Variants in HACE1 observed in about 807,000 individuals in gnomAD.
HACE1 encodes the protein HECT domain and ankyrin repeat containing E3 ubiquitin protein ligase 1.
Under a neutral mutation model 118.4 loss-of-function variants are expected in HACE1, and 73 were observed. The observed-to-expected ratio is 0.62, with a 90% CI of 0.51 to 0.75. The LOEUF is 0.75. HACE1 is among the 30% of genes least tolerant of loss of function. The pLI, the probability that HACE1 is intolerant of heterozygous loss-of-function variation, is 0.00. For missense variants in HACE1, 749 were observed against 1,102.2 expected (o/e 0.68, Z 4.54); for synonymous variants, 368 against 374.8 (o/e 0.98, Z 0.21).
Position 104,785,339 on chromosome 6 carries a change from T to A in HACE1, c.1075-20A>T. On this transcript the variant is annotated intron_variant, in intron 11 of 23. Transcript: ENST00000262903. Reference sequence around the variant, plus strand: ...CAGAGGCTGAGAGAAACAAAAGTGTTTTTTAAACATCATTCTTAAACTACA... The same window carrying A: ...CAGAGGCTGAGAGAAACAAAAGTGTATTTTAAACATCATTCTTAAACTACA... 7.4e-7 allele frequency: 1 copy of A among 1,360,156 alleles called. No individual in the cohort carries two copies. Among genetic ancestry groups the A allele is most frequent in the Non-Finnish European group, 1.1e-6 (1 of 951,724 alleles). The allele number at this position is 1,360,156 out of a possible 1,614,324, so 84.3% of individuals were successfully genotyped here. A position where few individuals can be genotyped will look rare whatever the true frequency, so the allele number is the denominator to read the frequency against.
chr6:104,852,252 T>C (rs1419329423), intron 2 of HACE1, 65 bp downstream of exon 2: 6 of 852,208 alleles, frequency 7.0e-6, no homozygotes, highest in Non-Finnish European at 1.2e-5. Context: ...TGCACGGGCA[T>C]GCAGTACACA....
intron 17 of HACE1, among the ~76,000 whole-genome samples, chr6:104,774,389 CTCTCT>C (rs1344964876): frequency 2.1e-4 from 11 of 51,712 alleles, no homozygotes; most frequent in Non-Finnish European, 3.8e-4. Flanking sequence ...CGCGCCCGGC[CTCTCT>C]TTTTTTTTTG....
intron 1 of HACE1, among the ~76,000 whole-genome samples, chr6:104,858,981 A>G (rs1777024232): frequency 6.6e-6 from 1 of 152,210 alleles, no homozygotes; most frequent in South Asian, 2.1e-4. Context: ...TAGTCTGATG[A>G]ATAAATGAAG....
chr6:104,825,523 C>G (rs1449750029), intron 6 of HACE1, among the ~76,000 whole-genome samples: 1 of 152,160 alleles, frequency 6.6e-6, no homozygotes, highest in South Asian at 2.1e-4. Context: ...TTCAAATGCA[C>G]AGAAGTGCAA....
At chr6:104,768,490 G>GT (rs1314036361) in intron 19 of HACE1, among the ~76,000 whole-genome samples, 1 of 151,900 alleles carries the variant, frequency 6.6e-6, no homozygotes, top group Non-Finnish European at 1.5e-5. Context: ...AATGTGATGT[G>GT]TTTCTAAAGA....
At chr6:104,742,910 C>A (rs1034183962) in intron 22 of HACE1, among the ~76,000 whole-genome samples, 3 of 151,810 alleles carry the variant, frequency 2.0e-5, no homozygotes, top group African/African-American at 7.3e-5. Context: ...TTGGAACCAA[C>A]CCAAATGTCC....
At chr6:104,790,290 T>G (rs1167246797) in intron 11 of HACE1, among the ~76,000 whole-genome samples, 2 of 152,194 alleles carry the variant, frequency 1.3e-5, no homozygotes, top group Admixed American at 6.5e-5. Flanking sequence ...TTGCAAAAAT[T>G]TTCCATGTAA....
chr6:104,757,804 G>C lies in HACE1; in HGVS notation c.2212-7332C>G, dbSNP rs143836574. Among the ~76,000 whole-genome samples, 1,000 of 152,190 alleles carry C rather than the reference G, an allele frequency of 6.6e-3. 8 individuals are homozygous for C. Among genetic ancestry groups the C allele is most frequent in the African/African-American group, 0.023 (968 of 41,510 alleles). On this transcript the variant is annotated intron_variant, in intron 19 of 23. Transcript: ENST00000262903. ...CAGGAAGCTAAAAACCTTGAAAAAA[G>C]GTTAAACGAATGGCTAACTAGAATA...
At chr6:104,782,412 C>A (rs1781835447) in intron 14 of HACE1, 1 of 152,182 alleles carries the variant, frequency 6.6e-6, no homozygotes, top group Non-Finnish European at 1.5e-5. Context: ...CGCTTCAGCC[C>A]AGGAGGCAGA....
chr6:104,850,945 G>C lies in HACE1; in HGVS notation c.183C>G (p.Phe61Leu). 4 of 1,610,200 alleles carry C rather than the reference G, an allele frequency of 2.5e-6. No homozygotes were observed. Among genetic ancestry groups the C allele is most frequent in the Non-Finnish European group, 3.4e-6 (4 of 1,176,440 alleles). The part of the protein sequence containing the change: ...SNSKFDVNYA[F>L]GRVKRSLLHI... ...GAAGCAAGCTTCTTTTCACACGTCC[G>C]AATGCATAATTGACATCAAATTTTG... The change falls in exon 3 of 24, where the codon TTC (phenylalanine) becomes TTG (leucine). Residue 61 changes from phenylalanine to leucine, a missense_variant. Phe to Leu is a conservative substitution (Grantham distance 22, BLOSUM62 0). This residue lies in a region of HACE1 where 120 missense variants were observed against 219.1 expected (regional missense o/e 0.55). Coordinates refer to ENST00000262903, the MANE Select transcript of HACE1 (RefSeq NM_020771.4).
intron 22 of HACE1, among the ~76,000 whole-genome samples, chr6:104,739,048 A>T (rs1776291239): frequency 6.6e-6 from 1 of 150,636 alleles, no homozygotes; most frequent in Admixed American, 6.6e-5. Context: ...TCAACCCAGA[A>T]TTTCATATCC....
At chr6:104,737,367 A>T (rs1351195985) in intron 22 of HACE1, among the ~76,000 whole-genome samples, 1 of 150,402 alleles carries the variant, frequency 6.6e-6, no homozygotes, top group Non-Finnish European at 1.5e-5. Context: ...TACAGCTCCC[A>T]GCGTGAGCCA....
At chr6:104,784,213 G>T (rs200714643) in intron 13 of HACE1, 40 bp from the exon 14 acceptor site, 3 of 1,140,228 alleles carry the variant, frequency 2.6e-6, no homozygotes, top group South Asian at 2.5e-5. Flanking sequence ...CAGGAAGAAT[G>T]AGTAGCATTA....
chr6:104,796,315 G>A (rs1277536766), intron 9 of HACE1, among the ~76,000 whole-genome samples: 1 of 151,830 alleles, frequency 6.6e-6, no homozygotes, highest in Non-Finnish European at 1.5e-5. Context: ...GGTCTTTGTT[G>A]CCCAAGCTAG....
intron 22 of HACE1, among the ~76,000 whole-genome samples, chr6:104,736,380 G>A (rs1353828009): frequency 2.0e-5 from 3 of 151,934 alleles, no homozygotes; most frequent in Non-Finnish European, 1.5e-5. Context: ...CACCTCCCAG[G>A]CTCAAGTGAT....
At chr6:104,733,393 G>C (rs1775419973) in intron 22 of HACE1, among the ~76,000 whole-genome samples, 1 of 151,988 alleles carries the variant, frequency 6.6e-6, no homozygotes, top group South Asian at 2.1e-4. Context: ...AAATATGGCT[G>C]GCCCCATACT....
intron 5 of HACE1, among the ~76,000 whole-genome samples, chr6:104,837,313 T>C (rs374276564): frequency 7.2e-5 from 11 of 152,176 alleles, no homozygotes; most frequent in East Asian, 3.8e-4. Flanking sequence ...GTGGAATGAA[T>C]ATAAAGTCCA....
intron 1 of HACE1, chr6:104,858,515 C>T (rs1776971887): frequency 2.5e-6 from 1 of 392,864 alleles, no homozygotes. Flanking sequence ...GCCTGGGGAA[C>T]ATAGTGAGAC....
At chr6:104,832,928 T>A in intron 6 of HACE1, 114 bp downstream of exon 6, 1 of 998,390 alleles carries the variant, frequency 1.0e-6, no homozygotes, top group African/African-American at 1.6e-5. Context: ...ATGCAGAAAA[T>A]AAGATTTTGC....
Sources: gnomAD v4.1 joint callset for allele counts (sites outside exome capture counted in the v4.1 genomes callset) on GRCh38, gnomAD v4.1.1 for gene constraint, gnomAD v4.1.1 regional missense constraint, MANE v1.5 for transcripts, NCBI Gene and HGNC (gene_info 2026-07-23, HGNC 2026-07-21) for gene names.